FAM78B: variants seen among roughly 807,000 people sequenced by gnomAD.
FAM78B encodes the protein protein FAM78B.
In FAM78B, 10 loss-of-function variants were observed where a neutral mutation model predicts 20.0. That is an observed-to-expected ratio of 0.50 (90% confidence interval 0.31 to 0.85). FAM78B has a LOEUF of 0.85. Among genes scored for constraint, FAM78B ranks in the 40% least tolerant of loss-of-function variants. FAM78B has a pLI of 0.05. For missense variants in FAM78B, 283 were observed against 345.0 expected (o/e 0.82, Z 1.42); for synonymous variants, 135 against 132.8 (o/e 1.02, Z -0.12).
At chr1:166,108,898 C>T (rs1436485330) in intron 1 of FAM78B, among the ~76,000 whole-genome samples, 1 of 152,100 alleles carries the variant, frequency 6.6e-6, no homozygotes, top group Admixed American at 6.6e-5. Flanking sequence ...CAAATAAAAA[C>T]ATCCAGTGGG....
At chr1:166,057,832 T>C (rs1651407935) in exon 3 of FAM78B, 1 of 152,144 alleles carries the variant, frequency 6.6e-6, no homozygotes, top group African/African-American at 2.4e-5. Context: ...GCTGAAAAGA[T>C]AAAGAGCAGA....
exon 3 of FAM78B, chr1:166,059,996 A>C (rs1381672331): frequency 1.3e-5 from 2 of 153,366 alleles, no homozygotes; most frequent in East Asian, 3.9e-4. Flanking sequence ...AATGCACACC[A>C]TTTTTTCCCT....
downstream of FAM78B, among the ~76,000 whole-genome samples, chr1:166,055,943 A>G (rs1404473765): frequency 6.6e-6 from 1 of 152,124 alleles, no homozygotes; most frequent in African/African-American, 2.4e-5. Flanking sequence ...TTCCTTATTT[A>G]TTTCTTGAAA....
intron 1 of FAM78B, among the ~76,000 whole-genome samples, chr1:166,077,974 A>ATT (rs1356384908): frequency 9.2e-3 from 10 of 1,084 alleles, no homozygotes; most frequent in East Asian, 0.022. Context: ...ATATATAATA[A>ATT]ATATATATAA....
At position 166,131,707 on chromosome 1, in the gene FAM78B, G is replaced by A. The variant is rs576981549; in HGVS notation, c.263+34279C>T. Reference sequence around the variant, plus strand: ...CAAAGTTCCATGTCATTGGGGTTCAGGACACTGAGTGTCCCTTAGAAGAAA... The same window carrying A: ...CAAAGTTCCATGTCATTGGGGTTCAAGACACTGAGTGTCCCTTAGAAGAAA... On this transcript the variant is annotated intron_variant, in intron 1 of 1. Transcript: ENST00000354422. Among the ~76,000 whole-genome samples, 9 of 152,252 alleles carry A rather than the reference G, an allele frequency of 5.9e-5. No individual in the cohort carries two copies. The South Asian group carries it at 1.7e-3, about 28-fold the overall frequency.
At chr1:166,164,037 G>C (rs1364060646) in intron 1 of FAM78B, among the ~76,000 whole-genome samples, 2 of 152,204 alleles carry the variant, frequency 1.3e-5, no homozygotes, top group African/African-American at 2.4e-5. Context: ...TAGATTCCAG[G>C]AAGTTCAACT....
intron 1 of FAM78B, among the ~76,000 whole-genome samples, chr1:166,102,765 A>T: frequency 6.6e-6 from 1 of 152,164 alleles, no homozygotes. Context: ...AACGGGAGAC[A>T]TTAACATCCC....
chr1:166,073,331 G>A (rs1335421342), intron 1 of FAM78B, among the ~76,000 whole-genome samples: 1 of 152,134 alleles, frequency 6.6e-6, no homozygotes, highest in South Asian at 2.1e-4. Flanking sequence ...TAGCCCTAGG[G>A]AATTAGGACT....
intron 1 of FAM78B, among the ~76,000 whole-genome samples, chr1:166,151,081 G>T (rs946484759): frequency 1.3e-5 from 2 of 152,210 alleles, no homozygotes; most frequent in African/African-American, 2.4e-5. Flanking sequence ...TCTGTGCTGG[G>T]TTATAGAGGA....
chr1:166,101,571 T>C (rs953254823), intron 1 of FAM78B, among the ~76,000 whole-genome samples: 4 of 152,178 alleles, frequency 2.6e-5, no homozygotes, highest in African/African-American at 9.7e-5. Context: ...ATGCGCAAGC[T>C]TCAGTAGCCG....
intron 1 of FAM78B, among the ~76,000 whole-genome samples, chr1:166,112,020 A>AGTGCT (rs1654074878): frequency 6.6e-6 from 1 of 152,218 alleles, no homozygotes; most frequent in Non-Finnish European, 1.5e-5. Flanking sequence ...GACATGACTC[A>AGTGCT]GTGCTGTGTC....
At chr1:166,141,277 G>C (rs1205630040) in intron 1 of FAM78B, among the ~76,000 whole-genome samples, 1 of 152,218 alleles carries the variant, frequency 6.6e-6, no homozygotes, top group Non-Finnish European at 1.5e-5. Context: ...TGCATGTACA[G>C]TGAGACAAAT....
chr1:166,084,869 C>G (rs1652758614), intron 1 of FAM78B, among the ~76,000 whole-genome samples: 1 of 152,210 alleles, frequency 6.6e-6, no homozygotes, highest in South Asian at 2.1e-4. Flanking sequence ...CAAAGCCTGG[C>G]TTACCTTGGT....
chr1:166,127,499 T>C (rs1483655662), intron 1 of FAM78B, among the ~76,000 whole-genome samples: 1 of 152,156 alleles, frequency 6.6e-6, no homozygotes, highest in Admixed American at 6.5e-5. Flanking sequence ...TCTCTAACCT[T>C]GAGACTCTGC....
At chr1:166,093,126 G>A (rs146933860) in intron 1 of FAM78B, among the ~76,000 whole-genome samples, 127 of 152,200 alleles carry the variant, frequency 8.3e-4, no homozygotes, top group African/African-American at 2.9e-3. Flanking sequence ...AATAGAAAAC[G>A]CTTTATGTAA....
intron 1 of FAM78B, among the ~76,000 whole-genome samples, chr1:166,149,587 T>C (rs946709708): frequency 1.3e-5 from 2 of 152,238 alleles, no homozygotes; most frequent in Non-Finnish European, 2.9e-5. Context: ...GAGCCTTGGT[T>C]TTCTCTCATT....
chr1:166,132,275 G>A (rs1422354711), intron 1 of FAM78B, among the ~76,000 whole-genome samples: 1 of 150,668 alleles, frequency 6.6e-6, no homozygotes, highest in African/African-American at 2.4e-5. Context: ...CCAGAAGAGT[G>A]GTTCCAAATC....
intron 1 of FAM78B, among the ~76,000 whole-genome samples, chr1:166,089,756 C>T (rs1188533196): frequency 1.3e-5 from 2 of 152,064 alleles, no homozygotes; most frequent in Non-Finnish European, 2.9e-5. Context: ...TGCCTATGTC[C>T]CTGTGTTATG....
chr1:166,129,179 C>T lies in FAM78B; in HGVS notation c.263+36807G>A, dbSNP rs1026211550. Among the ~76,000 whole-genome samples, 76 of 152,286 alleles carry T rather than the reference C, an allele frequency of 5.0e-4. 1 individual carries two copies. Among genetic ancestry groups the T allele is most frequent in the Middle Eastern group, 3.4e-3 (1 of 294 alleles). ...CAGTGCCCAGAGCCCCTGCTGTGGG[C>T]GCACTCCTGTGTATATAGATTTAGA... On this transcript the variant is annotated intron_variant, in intron 1 of 1. Transcript: ENST00000354422.
Sources: gnomAD v4.1 joint callset for allele counts (sites outside exome capture counted in the v4.1 genomes callset) on GRCh38, gnomAD v4.1.1 for gene constraint, MANE v1.5 for transcripts, NCBI Gene and HGNC (gene_info 2026-07-23, HGNC 2026-07-21) for gene names.